PLAA: variants seen among roughly 807,000 people sequenced by gnomAD.
The protein encoded by PLAA is phospholipase A-2-activating protein.
PLAA carries 48 observed loss-of-function variants against 84.1 expected under a neutral mutation model. That is an observed-to-expected ratio of 0.57 (90% CI 0.45 to 0.73). PLAA has a LOEUF of 0.73. Among genes scored for constraint, PLAA ranks in the 30% least tolerant of loss-of-function variants. The pLI is 0.00. For synonymous variants in PLAA, 392 were observed against 336.6 expected (o/e 1.16, Z -1.80); for missense variants, 903 against 954.7 (o/e 0.95, Z 0.71).
intron 10 of PLAA, chr9:26,916,171 T>C: frequency 1.0e-6 from 1 of 983,940 alleles, no homozygotes; most frequent in Non-Finnish European, 1.2e-6. Flanking sequence ...CCTAACGTTG[T>C]ATGTTTGTCC....
chr9:26,946,988 C>G lies in PLAA; in HGVS notation c.58G>C (p.Asp20His). 1 of 1,594,976 alleles carries G rather than the reference C, an allele frequency of 6.3e-7. No individual in the cohort carries two copies. Among genetic ancestry groups the G allele is most frequent in the Non-Finnish European group, 8.5e-7 (1 of 1,171,532 alleles). ...LSCSLRGHEL[D>H]VRGLVCCAYP... Reference sequence around the variant, plus strand: ...GCGCAGCACACCAGGCCCCGTACGTCCAGCTCGTGGCCCCGGAGCGAGCAG... The same window carrying G: ...GCGCAGCACACCAGGCCCCGTACGTGCAGCTCGTGGCCCCGGAGCGAGCAG... The change falls in exon 1 of 14, where the codon GAC becomes CAC. Residue 20 changes from aspartate to histidine, a missense_variant. Transcript: ENST00000397292.
chr9:26,925,067 TTTTTCTGATTG>T (rs1824897269), intron 6 of PLAA, among the ~76,000 whole-genome samples: 2 of 152,208 alleles, frequency 1.3e-5, no homozygotes, highest in South Asian at 4.1e-4. Context: ...TCTTTCATAC[TTTTTCTGATTG>T]TTTTCCTTCT....
intron 7 of PLAA, among the ~76,000 whole-genome samples, chr9:26,922,739 T>C (rs1236113938): frequency 6.6e-6 from 1 of 151,658 alleles, no homozygotes; most frequent in African/African-American, 2.4e-5. Flanking sequence ...TGGTGTCGGC[T>C]CACCGCAGCC....
At chr9:26,913,344 T>C (rs970837078) in intron 11 of PLAA, among the ~76,000 whole-genome samples, 44 of 152,220 alleles carry the variant, frequency 2.9e-4, no homozygotes, top group African/African-American at 1.1e-3. Context: ...ACTAGGTAAC[T>C]AAGGATTAAA....
At chr9:26,930,900 TA>T (rs1236729681) in intron 2 of PLAA, among the ~76,000 whole-genome samples, 1 of 151,968 alleles carries the variant, frequency 6.6e-6, no homozygotes, top group East Asian at 1.9e-4. Flanking sequence ...TTAATAGTTG[TA>T]ACTTGGGTGC....
At chr9:26,918,610 A>C (rs1192406965) in intron 9 of PLAA, among the ~76,000 whole-genome samples, 1 of 152,174 alleles carries the variant, frequency 6.6e-6, no homozygotes, top group Non-Finnish European at 1.5e-5. Flanking sequence ...AAAACAAGGA[A>C]GAGCACTAGC....
In PLAA at chr9:26,947,115, G is replaced by A; in HGVS notation, c.-70C>T. The A allele has an allele frequency of 7.1e-7, 1 of 1,398,802 alleles. No individual in the cohort carries two copies. 86.6% of individuals were successfully genotyped at this position (1,398,802 alleles called of 1,614,324 possible). A position where few individuals can be genotyped will look rare whatever the true frequency, so the allele number is the denominator to read the frequency against. The stretch of plus-strand genomic sequence containing the variant: ...CCAGTCCGCAGGGGCGACTCGGAGA[G>A]CGCCGGGCCGCGGCGGGAGAAGAGC... On this transcript the variant is annotated 5_prime_UTR_variant, in exon 1 of 14. Transcript: ENST00000397292.
intron 7 of PLAA, among the ~76,000 whole-genome samples, chr9:26,922,196 T>C (rs1389589612): frequency 6.6e-6 from 1 of 152,176 alleles, no homozygotes. Flanking sequence ...TAAAAAGATG[T>C]GTCAAAATGT....
At chr9:26,946,015 T>TG (rs1825693459) in intron 1 of PLAA, among the ~76,000 whole-genome samples, 1 of 152,220 alleles carries the variant, frequency 6.6e-6, no homozygotes, top group South Asian at 2.1e-4. Flanking sequence ...ACTGGCAACT[T>TG]GTCTGTCTTT....
At chr9:26,925,154 C>T (rs1343105373) in intron 6 of PLAA, among the ~76,000 whole-genome samples, 1 of 152,216 alleles carries the variant, frequency 6.6e-6, no homozygotes, top group East Asian at 1.9e-4. Context: ...TAACTTCACA[C>T]TCCTTCTGTA....
At chr9:26,928,681 G>A (rs1253257826) in intron 2 of PLAA, among the ~76,000 whole-genome samples, 1 of 152,140 alleles carries the variant, frequency 6.6e-6, no homozygotes, top group African/African-American at 2.4e-5. Flanking sequence ...GTGAAACGAG[G>A]GAGCGGAACT....
At position 26,908,104 on chromosome 9, in the gene PLAA, G is replaced by A. The variant is rs192421055; in HGVS notation, c.1658-106C>T. On this transcript the variant is annotated intron_variant, in intron 12 of 13. Coordinates refer to ENST00000397292, the MANE Select transcript of PLAA (RefSeq NM_001031689.3). Reference sequence around the variant, plus strand: ...AGTACTCTAGTGTACACCATGGGGAGTTAAGACTTTACTCAGCAATTATCA... The same window carrying A: ...AGTACTCTAGTGTACACCATGGGGAATTAAGACTTTACTCAGCAATTATCA... 137 of 695,154 alleles carry A rather than the reference G, an allele frequency of 2.0e-4. 2 individuals carry two copies. In the African/African-American group the frequency reaches 2.0e-3, roughly 10 times the overall value. 43.1% of individuals were successfully genotyped at this position (695,154 alleles called of 1,614,324 possible). A position where few individuals can be genotyped will look rare whatever the true frequency, so the allele number is the denominator to read the frequency against.
chr9:26,913,812 C>A, intron 11 of PLAA, 67 bp downstream of exon 11: 1 of 1,159,294 alleles, frequency 8.6e-7, no homozygotes, highest in Non-Finnish European at 1.2e-6. Context: ...TTTTCTTACT[C>A]TTTTTATTAA....
At chr9:26,915,449 A>G (rs1261486749) in intron 10 of PLAA, among the ~76,000 whole-genome samples, 1 of 152,224 alleles carries the variant, frequency 6.6e-6, no homozygotes, top group African/African-American at 2.4e-5. Context: ...AGAAAGAAGA[A>G]TTAAGACTGA....
intron 1 of PLAA, among the ~76,000 whole-genome samples, chr9:26,942,792 T>C (rs976596217): frequency 7.0e-6 from 1 of 142,508 alleles, no homozygotes; most frequent in African/African-American, 2.6e-5. Context: ...TAAGGCAGAA[T>C]GGCGTCAACC....
At chr9:26,923,390 TACATTA>T (rs1228355107) in intron 6 of PLAA, 43 bp from the exon 7 acceptor site, 6 of 1,349,222 alleles carry the variant, frequency 4.4e-6, no homozygotes, top group East Asian at 4.6e-5. Context: ...ATTGCCATAA[TACATTA>T]ACATTATCAC....
intron 10 of PLAA, among the ~76,000 whole-genome samples, chr9:26,915,212 C>T (rs561420184): frequency 2.8e-5 from 4 of 144,206 alleles, no homozygotes; most frequent in South Asian, 2.2e-4. Flanking sequence ...AACTCTGACT[C>T]GAAAAAAAAA....
chr9:26,928,349 C>T lies in PLAA; in HGVS notation c.403G>A (p.Ala135Thr). 1 of 1,614,140 alleles carries T rather than the reference C, an allele frequency of 6.2e-7. No homozygotes were observed. The highest frequency in any genetic ancestry group is 8.5e-7 in the Non-Finnish European group (1 of 1,179,964). Residue 135 changes from alanine (A) to threonine (T), a missense_variant, in exon 3 of 14, where the codon GCT (alanine) becomes ACT (threonine). Ala to Thr is a moderately conservative substitution (Grantham distance 58). Coordinates refer to ENST00000397292, the MANE Select transcript of PLAA (RefSeq NM_001031689.3). ...TLLSGSWDTT[A>T]KVWLNDKCMM... Reference sequence around the variant, plus strand: ...CACTTGTCATTCAGCCAGACTTTAGCAGTGGTGTCCCATGAACCACTAAGT... The same window carrying T: ...CACTTGTCATTCAGCCAGACTTTAGTAGTGGTGTCCCATGAACCACTAAGT...
rs375129954 is a variant in PLAA at position 26,913,832 on chromosome 9, G to A, written c.1555+47C>T. ...TTACTCTTTTTATTAAAGTTCCAAC[G>A]AATTTTTAAAATCTAAAAAAAAGAA... On this transcript the variant is annotated intron_variant, in intron 11 of 13. Transcript: ENST00000397292. 100 of 1,359,100 alleles carry A rather than the reference G, an allele frequency of 7.4e-5. 1 individual carries two copies. The highest frequency in any genetic ancestry group is 3.0e-4 in the African/African-American group (20 of 67,584). 84.2% of individuals were successfully genotyped at this position (1,359,100 alleles called of 1,614,324 possible).
Sources: gnomAD v4.1 joint callset for allele counts (sites outside exome capture counted in the v4.1 genomes callset) on GRCh38, gnomAD v4.1.1 for gene constraint, MANE v1.5 for transcripts, NCBI Gene and HGNC (gene_info 2026-07-23, HGNC 2026-07-21) for gene names.